The following PMS1 variants were observed in gnomAD, a reference collection of about 807,000 sequenced individuals.
PMS1 encodes PMS1 homolog 1, mismatch repair system component.
Under a neutral mutation model 93.1 loss-of-function variants are expected in PMS1, and 79 were observed. The observed-to-expected ratio is 0.85, with a 90% CI of 0.71 to 1.02. The LOEUF (loss-of-function observed/expected upper bound fraction) is 1.02. Among genes scored for constraint, PMS1 ranks in the 50% least tolerant of loss-of-function variants. PMS1 has a pLI of 0.00. For missense variants in PMS1, 1,064 were observed against 1,085.3 expected, an observed-to-expected ratio of 0.98 and a Z score of 0.28; for synonymous variants, 335 against 363.4, an observed-to-expected ratio of 0.92 and a Z score of 0.89.
At chr2:189,799,314 A>T (rs1178195618) in intron 3 of PMS1, among the ~76,000 whole-genome samples, 1 of 152,172 alleles carries the variant, frequency 6.6e-6, no homozygotes. Context: ...GGAAAACCAC[A>T]TATAGATGTG....
intron 3 of PMS1, among the ~76,000 whole-genome samples, chr2:189,801,907 T>C (rs555371960): frequency 6.6e-6 from 1 of 152,244 alleles, no homozygotes; most frequent in Non-Finnish European, 1.5e-5. Context: ...CTGCAAATAG[T>C]ATTTCACCTC....
rs775742142 is a variant in PMS1, at chr2:189,844,046, T to C, written c.665T>C (p.Met222Thr). Residue 222 changes from methionine to threonine, a missense_variant, in exon 6 of 13, where the codon ATG (methionine) becomes ACG (threonine). Transcript: ENST00000441310. ...SVLGTAVMNN[M>T]ESFQYHSEES... is the part of the protein sequence containing the mutation. ...CTGGGGACTGCTGTTATGAACAATA[T>C]GGAATCCTTTCAGTACCACTCTGAA... 4 of 1,613,886 alleles carry C rather than the reference T, an allele frequency of 2.5e-6. No homozygotes were observed. The highest frequency in any genetic ancestry group is 3.3e-5 in the Admixed American group (2 of 59,998).
intron 5 of PMS1, among the ~76,000 whole-genome samples, chr2:189,839,055 G>A (rs2053614072): frequency 6.6e-6 from 1 of 151,876 alleles, no homozygotes; most frequent in Non-Finnish European, 1.5e-5. Flanking sequence ...GCAGTAGCGC[G>A]ATCTCAGCTC....
chr2:189,829,540 G>T (rs5743061), intron 5 of PMS1, among the ~76,000 whole-genome samples: 50,570 of 151,912 alleles, frequency 0.33, 10,318 homozygotes, highest in African/African-American at 0.58. Flanking sequence ...CAGTTCTCTT[G>T]GTCCTTTCTC....
intron 9 of PMS1, among the ~76,000 whole-genome samples, chr2:189,859,621 A>T (rs971897419): frequency 1.3e-5 from 2 of 151,984 alleles, no homozygotes; most frequent in Non-Finnish European, 2.9e-5. Flanking sequence ...TGGAAGTTTC[A>T]TTTTTCTCAT....
Position 189,873,554 on chromosome 2 carries a change from C to T in PMS1, c.2532C>T (p.Phe844=), listed in dbSNP as rs1227073919. 8.8e-6 allele frequency: 14 copies of T among 1,598,554 alleles called. No homozygotes were observed. Among genetic ancestry groups the T allele is most frequent in the African/African-American group, 2.7e-5 (2 of 74,604 alleles). The change falls in exon 12 of 13, where the codon TTC becomes TTT. Residue 844 remains phenylalanine, a synonymous_variant. Coordinates refer to ENST00000441310, the MANE Select transcript of PMS1 (RefSeq NM_000534.5). ...AAGGAATGGCTAATTGTCTCCCATT[C>T]TATGGAGTAGCAGATTTAAAAGAAA... The part of the protein sequence containing the change: ...EIEGMANCLP[F]YGVADLKEIL...
intron 5 of PMS1, among the ~76,000 whole-genome samples, chr2:189,828,525 C>T (rs2052647205): frequency 6.6e-6 from 1 of 152,172 alleles, no homozygotes. Flanking sequence ...TGTAATAAAG[C>T]ATCTCTCACA....
intron 5 of PMS1, among the ~76,000 whole-genome samples, chr2:189,822,270 GC>G (rs2051987193): frequency 6.6e-6 from 1 of 152,192 alleles, no homozygotes; most frequent in Non-Finnish European, 1.5e-5. Flanking sequence ...CGACTGCGGG[GC>G]CTCTACCGAC....
At chr2:189,816,693 C>T (rs969613856) in intron 4 of PMS1, among the ~76,000 whole-genome samples, 2 of 152,120 alleles carry the variant, frequency 1.3e-5, no homozygotes, top group Non-Finnish European at 2.9e-5. Flanking sequence ...TTTAAAACTA[C>T]GTAAAATTTT....
In PMS1 at chr2:189,843,989, TATCAG is replaced by T; in HGVS notation, c.613_617del (p.Asp205GlnfsTer24). On this transcript the variant is annotated frameshift_variant, in exon 6 of 13. Coordinates refer to ENST00000441310, the MANE Select transcript of PMS1 (RefSeq NM_000534.5). LOFTEE classifies it high-confidence loss of function. ...GCAGTTATTTGGCAGAAAAGCAGAG[TATCAG>T]ATCACAAGATGGCTCTCATGTCAGT... 6.2e-7 allele frequency: 1 copy of T among 1,613,972 alleles called. No homozygotes were observed. The highest frequency in any genetic ancestry group is 8.5e-7 in the Non-Finnish European group (1 of 1,179,938).
At chr2:189,821,772 G>A (rs1170204997) in intron 5 of PMS1, among the ~76,000 whole-genome samples, 2 of 152,152 alleles carry the variant, frequency 1.3e-5, no homozygotes, top group Non-Finnish European at 2.9e-5. Flanking sequence ...TCGCACCACT[G>A]CACTCCAGCC....
chr2:189,873,768 C>A, intron 12 of PMS1, 112 bp downstream of exon 12: 1 of 708,834 alleles, frequency 1.4e-6, no homozygotes, highest in Non-Finnish European at 2.5e-6. Flanking sequence ...TAGCGGGCAT[C>A]ACCACCTGAG....
intron 3 of PMS1, among the ~76,000 whole-genome samples, chr2:189,796,483 G>T (rs895088464): frequency 6.6e-5 from 10 of 151,996 alleles, no homozygotes; most frequent in South Asian, 6.2e-4. Context: ...ATTCATCTCC[G>T]CAACCTTTTC....
intron 4 of PMS1, among the ~76,000 whole-genome samples, chr2:189,814,381 C>T (rs537381787): frequency 3.3e-5 from 5 of 151,588 alleles, no homozygotes; most frequent in Non-Finnish European, 7.4e-5. Context: ...AGCAGAAAAA[C>T]ATCAAGTGTG....
rs765497845 is a variant in PMS1 at position 189,818,196 on chromosome 2, T to C, written c.582+16T>C. The C allele has an allele frequency of 4.7e-6, 7 of 1,501,838 alleles. No homozygotes were observed. The highest frequency in any genetic ancestry group is 1.7e-5 in the Admixed American group (1 of 59,428). 93.0% of individuals were successfully genotyped at this position (1,501,838 alleles called of 1,614,324 possible). On this transcript the variant is annotated intron_variant, in intron 5 of 12. Transcript: ENST00000441310. ...ACATAACAAGGTAAACATTATTTTATCTTTATAAGTTTCTGGGTATATGAT... is the reference window on the plus strand; with the variant it reads ...ACATAACAAGGTAAACATTATTTTACCTTTATAAGTTTCTGGGTATATGAT...
chr2:189,842,059 A>G (rs1441606006), intron 5 of PMS1, among the ~76,000 whole-genome samples: 1 of 150,954 alleles, frequency 6.6e-6, no homozygotes, highest in Admixed American at 6.6e-5. Context: ...AGACTTTCTG[A>G]AACACTTGTT....
intron 4 of PMS1, among the ~76,000 whole-genome samples, chr2:189,808,664 T>TTAC (rs1244532616): frequency 6.6e-6 from 1 of 152,176 alleles, no homozygotes; most frequent in African/African-American, 2.4e-5. Context: ...TAAAAATAGT[T>TTAC]TACTAGAAAT....
At chr2:189,821,225 G>C (rs961643533) in intron 5 of PMS1, among the ~76,000 whole-genome samples, 2 of 152,052 alleles carry the variant, frequency 1.3e-5, no homozygotes, top group African/African-American at 4.8e-5. Flanking sequence ...GGGAGGCTGA[G>C]GTGAGTGGAT....
chr2:189,860,848 G>GGAGGAT (rs2055907486), intron 9 of PMS1, among the ~76,000 whole-genome samples: 1 of 92,864 alleles, frequency 1.1e-5, no homozygotes, highest in African/African-American at 4.7e-5. Context: ...TTGAGGAGGA[G>GGAGGAT]GATCTCTAGT....
Sources: gnomAD v4.1 joint callset for allele counts (sites outside exome capture counted in the v4.1 genomes callset) on GRCh38, gnomAD v4.1.1 for gene constraint, MANE v1.5 for transcripts, NCBI Gene and HGNC (gene_info 2026-07-23, HGNC 2026-07-21) for gene names.